Variants in VAV2 observed in about 807,000 individuals in gnomAD.
VAV2 encodes vav guanine nucleotide exchange factor 2, also known as guanine nucleotide exchange factor VAV2.
VAV2 carries 67 observed loss-of-function variants against 132.5 expected under a neutral mutation model. The observed-to-expected ratio is 0.51, with a 90% CI of 0.42 to 0.62. The LOEUF (loss-of-function observed/expected upper bound fraction) is 0.62, where lower values mean the gene tolerates loss of function less well. Among genes scored for constraint, VAV2 ranks in the 20% least tolerant of loss-of-function variants. VAV2 has a pLI of 0.00. For missense variants in VAV2, 938 were observed against 1,153.6 expected (o/e 0.81, Z 2.71); for synonymous variants, 492 against 443.5 (o/e 1.11, Z -1.37).
At chr9:133,963,528 T>C (rs1842031899) in intron 1 of VAV2, among the ~76,000 whole-genome samples, 1 of 152,226 alleles carries the variant, frequency 6.6e-6, no homozygotes, top group African/African-American at 2.4e-5. Flanking sequence ...TCAGGGTGGC[T>C]ATCCCTGTGT....
At chr9:133,974,676 C>T (rs1189619235) in intron 1 of VAV2, among the ~76,000 whole-genome samples, 1 of 152,118 alleles carries the variant, frequency 6.6e-6, no homozygotes, top group Non-Finnish European at 1.5e-5. Flanking sequence ...TTAACGTGGT[C>T]CTCTTCCTCA....
At chr9:133,779,021 C>T in intron 21 of VAV2, 132 bp from the exon 22 acceptor site, 1 of 1,180,054 alleles carries the variant, frequency 8.5e-7, no homozygotes, top group Non-Finnish European at 1.2e-6. Context: ...CTGCATCTCC[C>T]TTCCCTAAAT....
At chr9:133,778,514 A>G (rs1588162111) in intron 22 of VAV2, among the ~76,000 whole-genome samples, 1 of 152,178 alleles carries the variant, frequency 6.6e-6, no homozygotes, top group East Asian at 1.9e-4. Context: ...GGGACGCTGC[A>G]TCGCCTACCA....
At chr9:133,868,375 A>G (rs1258154892) in intron 2 of VAV2, among the ~76,000 whole-genome samples, 1 of 152,206 alleles carries the variant, frequency 6.6e-6, no homozygotes, top group Non-Finnish European at 1.5e-5. Flanking sequence ...AAGAGCCCAG[A>G]CTGCCCTGGG....
intron 1 of VAV2, among the ~76,000 whole-genome samples, chr9:133,975,565 G>A (rs1363321402): frequency 6.6e-6 from 1 of 152,196 alleles, no homozygotes; most frequent in Non-Finnish European, 1.5e-5. Context: ...GGAAACTGAG[G>A]CTCAGAAGTG....
chr9:133,776,080 G>A lies in VAV2; in HGVS notation c.1966C>T (p.Pro656Ser). The A allele has an allele frequency of 6.2e-7, 1 of 1,612,836 alleles. No homozygotes were observed. Among genetic ancestry groups the A allele is most frequent in the South Asian group, 1.1e-5 (1 of 90,978 alleles). The change falls in exon 24 of 30, where the codon CCG becomes TCG. Residue 656 changes from proline to serine, a missense_variant and splice_region_variant. By Grantham distance (74) the Pro-to-Ser change is moderately conservative. Coordinates refer to ENST00000371850, the MANE Select transcript of VAV2 (RefSeq NM_001134398.2). ...CGGGATGGCGGCCGGCTGATGGGCG[G>A]CTGGTGGCAGAGCACAAGAGTGTTA... ...SVKPCPVDGR[P>S]PISRPPSREI...
chr9:133,971,690 G>A (rs1292993856), intron 1 of VAV2, among the ~76,000 whole-genome samples: 1 of 152,212 alleles, frequency 6.6e-6, no homozygotes, highest in African/African-American at 2.4e-5. Flanking sequence ...GGGCAGGACA[G>A]GGGCCCCAGG....
chr9:133,873,038 A>T (rs1456005279), intron 2 of VAV2, among the ~76,000 whole-genome samples: 1 of 135,910 alleles, frequency 7.4e-6, no homozygotes, highest in Admixed American at 8.8e-5. Context: ...GCTTGAACCC[A>T]GGAGGCGGAG....
chr9:133,889,050 A>C (rs1838826340), intron 2 of VAV2, among the ~76,000 whole-genome samples: 1 of 152,142 alleles, frequency 6.6e-6, no homozygotes, highest in African/African-American at 2.4e-5. Flanking sequence ...CTTTGCTGAG[A>C]TCAAGATGGC....
intron 3 of VAV2, among the ~76,000 whole-genome samples, chr9:133,839,007 G>A (rs1177902073): frequency 6.6e-6 from 1 of 150,394 alleles, no homozygotes; most frequent in Non-Finnish European, 1.5e-5. Flanking sequence ...TGGGTAGATG[G>A]ATGGATGGGT....
At chr9:133,816,192 T>C (rs968638924) in intron 4 of VAV2, among the ~76,000 whole-genome samples, 2 of 152,248 alleles carry the variant, frequency 1.3e-5, no homozygotes, top group African/African-American at 4.8e-5. Context: ...TCTGTCTTCT[T>C]ATTGAATTCG....
intron 1 of VAV2, among the ~76,000 whole-genome samples, chr9:133,977,524 GTGGCAATGGCCCT>G (rs1842553591): frequency 6.6e-6 from 1 of 152,204 alleles, no homozygotes; most frequent in Non-Finnish European, 1.5e-5. Context: ...CCGGGGACAC[GTGGCAATGGCCCT>G]GGGGCCAGTC....
chr9:133,948,057 C>T (rs1255917090), intron 1 of VAV2, among the ~76,000 whole-genome samples: 1 of 152,154 alleles, frequency 6.6e-6, no homozygotes, highest in African/African-American at 2.4e-5. Flanking sequence ...TCCCAAAGTG[C>T]TGGGATTACA....
intron 2 of VAV2, among the ~76,000 whole-genome samples, chr9:133,933,884 T>TGATGGATGGATGGATGGGTG (rs1840793138): frequency 5.1e-5 from 1 of 19,598 alleles, no homozygotes; most frequent in Non-Finnish European, 2.0e-4. Context: ...GATGGATGAA[T>TGATGGATGGATGGATGGGTG]GATGGATGGA....
chr9:133,782,572 GCTCAA>G (rs1220951827), intron 19 of VAV2, among the ~76,000 whole-genome samples: 2 of 152,204 alleles, frequency 1.3e-5, no homozygotes, highest in Non-Finnish European at 1.5e-5. Context: ...TAAAATCACA[GCTCAA>G]AATGTATTCT....
At chr9:133,904,578 C>T (rs950208370) in intron 2 of VAV2, among the ~76,000 whole-genome samples, 8 of 152,254 alleles carry the variant, frequency 5.3e-5, no homozygotes, top group African/African-American at 1.7e-4. Context: ...GCACCAGGCA[C>T]GTGGGCACAG....
intron 2 of VAV2, among the ~76,000 whole-genome samples, chr9:133,938,761 A>G (rs1410800635): frequency 6.6e-6 from 1 of 152,136 alleles, no homozygotes; most frequent in African/African-American, 2.4e-5. Context: ...GATTCAGGGC[A>G]GGAGGTAAAT....
In VAV2 at chr9:133,802,077, C is replaced by T. The variant is rs1310642959; in HGVS notation, c.836+4004G>A. On this transcript the variant is annotated intron_variant, in intron 9 of 29. Transcript: ENST00000371850. This position sits in a 1 kb window ranked among gnomAD's most constrained non-coding sequence, Gnocchi z 5.8. ...CTCTGAGCACCTGCCACATACCAGG[C>T]AGCATGGGCCACAGAGTCCCCAGGG... Among the ~76,000 whole-genome samples, 1 of 152,092 alleles carries T rather than the reference C, an allele frequency of 6.6e-6. No individual in the cohort carries two copies. Among genetic ancestry groups the T allele is most frequent in the African/African-American group, 2.4e-5 (1 of 41,412 alleles).
intron 2 of VAV2, among the ~76,000 whole-genome samples, chr9:133,868,005 G>GCC: frequency 6.6e-6 from 1 of 152,348 alleles, no homozygotes; most frequent in Non-Finnish European, 1.5e-5. Flanking sequence ...TCCACCCAAG[G>GCC]CCCCAAGTGC....
Sources: allele counts gnomAD v4.1 joint callset (sites outside exome capture counted in the v4.1 genomes callset), GRCh38; gene constraint gnomAD v4.1.1; non-coding constraint Gnocchi (gnomAD v3.1); transcripts MANE v1.5; gene names NCBI Gene and HGNC (gene_info 2026-07-23, HGNC 2026-07-21).